THEM4: variants seen among roughly 807,000 people sequenced by gnomAD.
THEM4 encodes the protein thioesterase superfamily member 4.
Under a neutral mutation model 25.0 loss-of-function variants are expected in THEM4, and 22 were observed. The ratio of observed to expected loss-of-function variants is 0.88; its 90% CI spans 0.63 to 1.26. The LOEUF (loss-of-function observed/expected upper bound fraction) is 1.26. Ranked by LOEUF, THEM4 falls within the 50% of genes most tolerant of loss-of-function variation. THEM4 has a pLI of 0.00. For synonymous variants in THEM4, 113 were observed against 105.6 expected (o/e 1.07, Z -0.43); for missense variants, 286 against 300.3 (o/e 0.95, Z 0.35).
intron 1 of THEM4, among the ~76,000 whole-genome samples, chr1:151,898,018 G>A (rs542805817): frequency 2.1e-4 from 32 of 152,330 alleles, no homozygotes; most frequent in Non-Finnish European, 4.3e-4. Flanking sequence ...GGAGCAGGGG[G>A]TAAAATTCCA....
At chr1:151,896,587 TA>T (rs1654231656) in intron 1 of THEM4, among the ~76,000 whole-genome samples, 2 of 152,170 alleles carry the variant, frequency 1.3e-5, no homozygotes, top group South Asian at 4.1e-4. Context: ...GGTGCAAGAA[TA>T]GGGGCAGATG....
intron 3 of THEM4, 122 bp from the exon 4 acceptor site, chr1:151,888,505 C>T (rs530168327): frequency 7.1e-5 from 48 of 678,292 alleles, no homozygotes; most frequent in African/African-American, 1.5e-4. Flanking sequence ...CCACTTAGCC[C>T]ATGTTCAGTG....
At chr1:151,905,018 C>G (rs1470551506) in intron 1 of THEM4, among the ~76,000 whole-genome samples, 1 of 152,156 alleles carries the variant, frequency 6.6e-6, no homozygotes, top group Non-Finnish European at 1.5e-5. Flanking sequence ...AAAGACAAAG[C>G]ATAGATTATA....
chr1:151,877,068 T>C lies in THEM4; in HGVS notation c.615A>G (p.Gly205=), dbSNP rs757091497. 4 of 1,613,754 alleles carry C rather than the reference T, an allele frequency of 2.5e-6. No homozygotes were observed. Among genetic ancestry groups the C allele is most frequent in the Non-Finnish European group, 3.4e-6 (4 of 1,179,800 alleles). Residue 205 remains glycine, a synonymous_variant, in exon 5 of 6, where the codon GGA becomes GGG. Coordinates refer to ENST00000368814, the MANE Select transcript of THEM4 (RefSeq NM_053055.5). The stretch of plus-strand genomic sequence containing the variant: ...CATTACAGGAAACAAAAAATTTCCT[T>C]CCTTCAACTTTATCAAGTTGGCTAT... ...MINSQLDKVE[G]RKFFVSCNVQ...
intron 2 of THEM4, among the ~76,000 whole-genome samples, chr1:151,892,057 G>A (rs2101724648): frequency 6.6e-6 from 1 of 152,134 alleles, no homozygotes; most frequent in South Asian, 2.1e-4. Context: ...CCAAAGTGTT[G>A]AGCCACTGTG....
intron 1 of THEM4, among the ~76,000 whole-genome samples, chr1:151,907,343 C>T (rs1654493301): frequency 6.6e-6 from 1 of 152,314 alleles, no homozygotes; most frequent in Non-Finnish European, 1.5e-5. Flanking sequence ...TGGCTTCTTT[C>T]TTGAAGTCAG....
intron 1 of THEM4, among the ~76,000 whole-genome samples, chr1:151,907,765 C>G (rs1467589197): frequency 6.6e-6 from 1 of 152,126 alleles, no homozygotes; most frequent in East Asian, 1.9e-4. Flanking sequence ...ACCTATTTTT[C>G]TTTTTACGAT....
At chr1:151,904,477 T>G (rs1441193132) in intron 1 of THEM4, among the ~76,000 whole-genome samples, 1 of 152,222 alleles carries the variant, frequency 6.6e-6, no homozygotes, top group African/African-American at 2.4e-5. Flanking sequence ...TAAAGAATCA[T>G]GAAAGCACTT....
chr1:151,888,761 G>A (rs535035293), intron 3 of THEM4, among the ~76,000 whole-genome samples: 53 of 152,224 alleles, frequency 3.5e-4, no homozygotes, highest in African/African-American at 1.2e-3. Context: ...CCAGGAGTTC[G>A]AGGCTGCAGT....
At chr1:151,899,629 A>T (rs1469471784) in intron 1 of THEM4, among the ~76,000 whole-genome samples, 1 of 152,204 alleles carries the variant, frequency 6.6e-6, no homozygotes, top group Admixed American at 6.5e-5. Context: ...AGAAAATATG[A>T]ACAAAGCCTC....
intron 2 of THEM4, among the ~76,000 whole-genome samples, chr1:151,892,890 G>A (rs1414440674): frequency 1.3e-5 from 2 of 152,178 alleles, no homozygotes. Flanking sequence ...AACATGAAGG[G>A]TTTGAGGATG....
At chr1:151,888,999 T>C (rs568002375) in intron 3 of THEM4, among the ~76,000 whole-genome samples, 100 of 152,240 alleles carry the variant, frequency 6.6e-4, no homozygotes, top group African/African-American at 2.3e-3. Context: ...CTATGCCCTA[T>C]AATATTATAA....
chr1:151,875,650 A>T (rs7523082), intron 5 of THEM4, among the ~76,000 whole-genome samples: 84,048 of 151,894 alleles, frequency 0.55, 23,931 homozygotes, highest in Admixed American at 0.65. Flanking sequence ...AAATATGGTC[A>T]ATAAACATAT....
chr1:151,879,625 T>C (rs1411084919), intron 4 of THEM4, among the ~76,000 whole-genome samples: 1 of 151,928 alleles, frequency 6.6e-6, no homozygotes, highest in African/African-American at 2.4e-5. Context: ...CTTGTGATGT[T>C]TAAATTCTCC....
intron 4 of THEM4, among the ~76,000 whole-genome samples, chr1:151,884,687 G>GTTTTTTTTTTT (rs11371460): frequency 6.8e-6 from 1 of 146,504 alleles, no homozygotes; most frequent in African/African-American, 2.5e-5. Context: ...CCTTTTTTTT[G>GTTTTTTTTTTT]TTTTTTTTTT....
rs1653625244 is a variant in THEM4, at chr1:151,874,374, T to TTG, written c.*513_*514insCA. 2 of 80,504 alleles carry TTG rather than the reference T, an allele frequency of 2.5e-5. No individual in the cohort carries two copies. Among genetic ancestry groups the TTG allele is most frequent in the Non-Finnish European group, 5.6e-5 (2 of 35,518 alleles). The allele number at this position is 80,504 out of a possible 1,614,324, so 5.0% of individuals were successfully genotyped here. On this transcript the variant is annotated 3_prime_UTR_variant, in exon 6 of 6. Coordinates refer to ENST00000368814, the MANE Select transcript of THEM4 (RefSeq NM_053055.5). ...CCTAAGGAGACAAGAGTTTTTTTTT[T>TTG]TTGTTTGTTTGTTTGTTTGAGATGG...
intron 2 of THEM4, among the ~76,000 whole-genome samples, chr1:151,893,490 C>T (rs1477519585): frequency 2.6e-5 from 4 of 151,000 alleles, no homozygotes; most frequent in Non-Finnish European, 2.9e-5. Flanking sequence ...TATGCTGATA[C>T]GAAACATCTA....
chr1:151,875,649 C>T (rs1653655063), intron 5 of THEM4, among the ~76,000 whole-genome samples: 1 of 151,802 alleles, frequency 6.6e-6, no homozygotes, highest in Non-Finnish European at 1.5e-5. Flanking sequence ...AAAATATGGT[C>T]AATAAACATA....
At chr1:151,897,114 A>G (rs760434561) in intron 1 of THEM4, among the ~76,000 whole-genome samples, 7 of 152,236 alleles carry the variant, frequency 4.6e-5, no homozygotes, top group Non-Finnish European at 7.3e-5. Context: ...AACAAAGTGT[A>G]TGCCCACAAA....
Sources: allele counts gnomAD v4.1 joint callset (sites outside exome capture counted in the v4.1 genomes callset), GRCh38; gene constraint gnomAD v4.1.1; transcripts MANE v1.5; gene names NCBI Gene and HGNC (gene_info 2026-07-23, HGNC 2026-07-21).